Variants in TSC22D1 observed in about 807,000 individuals in gnomAD.
TSC22D1 encodes TSC22 domain family protein 1.
TSC22D1 carries 9 observed loss-of-function variants against 74.2 expected under a neutral mutation model. The observed-to-expected ratio is 0.12, with a 90% CI of 0.07 to 0.21. TSC22D1 has a LOEUF of 0.21. TSC22D1 is among the 10% of genes least tolerant of loss of function. The pLI, the probability that TSC22D1 is intolerant of heterozygous loss-of-function variation, is 1.00. For synonymous variants in TSC22D1, 586 were observed against 492.5 expected (o/e 1.19, Z -2.51); for missense variants, 1,427 against 1,304.7 (o/e 1.09, Z -1.44).
intron 1 of TSC22D1, among the ~76,000 whole-genome samples, chr13:44,489,011 A>G (rs1325749592): frequency 6.6e-6 from 1 of 152,198 alleles, no homozygotes; most frequent in Non-Finnish European, 1.5e-5. Context: ...AGACCTTCCC[A>G]GATACCAAAA....
At chr13:44,449,825 G>A (rs1226215095) in intron 1 of TSC22D1, among the ~76,000 whole-genome samples, 2 of 152,194 alleles carry the variant, frequency 1.3e-5, no homozygotes, top group East Asian at 1.9e-4. Flanking sequence ...TAGCTAGAAA[G>A]ATATAAACTA....
intron 1 of TSC22D1, among the ~76,000 whole-genome samples, chr13:44,532,996 C>G (rs1880937185): frequency 6.6e-6 from 1 of 152,068 alleles, no homozygotes; most frequent in Non-Finnish European, 1.5e-5. Context: ...AGTGAAGAGA[C>G]TTGAGTACTA....
chr13:44,466,003 C>CAAAT (rs1386172711), intron 1 of TSC22D1, among the ~76,000 whole-genome samples: 2 of 151,932 alleles, frequency 1.3e-5, no homozygotes, highest in Admixed American at 6.6e-5. Context: ...AACAAACAAA[C>CAAAT]AAAACTTTGC....
intron 1 of TSC22D1, among the ~76,000 whole-genome samples, chr13:44,472,942 C>T (rs1393793293): frequency 6.6e-6 from 1 of 152,124 alleles, no homozygotes; most frequent in Non-Finnish European, 1.5e-5. Context: ...AAGAGATTTA[C>T]TTGGACTTGC....
At chr13:44,461,363 A>G (rs550541190) in intron 1 of TSC22D1, among the ~76,000 whole-genome samples, 1 of 152,318 alleles carries the variant, frequency 6.6e-6, no homozygotes, top group African/African-American at 2.4e-5. Context: ...TGACTGGCCC[A>G]TAGTCCAGAA....
chr13:44,505,936 T>A (rs1232401707), intron 1 of TSC22D1, among the ~76,000 whole-genome samples: 1 of 152,188 alleles, frequency 6.6e-6, no homozygotes, highest in Non-Finnish European at 1.5e-5. Context: ...TAAACATACA[T>A]TAACTCATTT....
At position 44,575,805 on chromosome 13, in the gene TSC22D1, C is replaced by T. The variant is rs749429246; in HGVS notation, c.270G>A (p.Gln90=). 5 of 1,613,702 alleles carry T rather than the reference C, an allele frequency of 3.1e-6. No individual in the cohort carries two copies. The Admixed American group carries it at 8.3e-5, about 27-fold the overall frequency. The part of the protein sequence containing the change: ...PPPQSLNLLS[Q]AQLQAQPLAP... Reference sequence around the variant, plus strand: ...CAAGAGGCTGTGCCTGCAGCTGAGCCTGCGAAAGGAGGTTCAGGCTTTGTG... The same window carrying T: ...CAAGAGGCTGTGCCTGCAGCTGAGCTTGCGAAAGGAGGTTCAGGCTTTGTG... The change falls in exon 1 of 3, where the codon CAG becomes CAA. Residue 90 remains glutamine, a synonymous_variant. Coordinates refer to ENST00000458659, the MANE Select transcript of TSC22D1 (RefSeq NM_183422.4).
chr13:44,557,048 CAGG>C (rs1782700031), intron 1 of TSC22D1, among the ~76,000 whole-genome samples: 1 of 151,518 alleles, frequency 6.6e-6, no homozygotes, highest in Non-Finnish European at 1.5e-5. Flanking sequence ...GAGGCTGAGG[CAGG>C]AGAATGGCTT....
chr13:44,536,879 T>C, intron 1 of TSC22D1: 1 of 971,096 alleles, frequency 1.0e-6, no homozygotes, highest in South Asian at 4.8e-5. Context: ...CATTCACTGG[T>C]GACCCCCACG....
intron 1 of TSC22D1, among the ~76,000 whole-genome samples, chr13:44,464,058 G>A (rs900736429): frequency 6.6e-6 from 1 of 152,136 alleles, no homozygotes; most frequent in African/African-American, 2.4e-5. Context: ...TTGACCTCAT[G>A]AGAGACCCTG....
At chr13:44,568,988 C>A (rs1883565041) in intron 1 of TSC22D1, among the ~76,000 whole-genome samples, 1 of 152,024 alleles carries the variant, frequency 6.6e-6, no homozygotes, top group African/African-American at 2.4e-5. Context: ...AAAAAGGAGA[C>A]CAGGTAGGTA....
intron 1 of TSC22D1, among the ~76,000 whole-genome samples, chr13:44,525,018 G>A (rs1880481413): frequency 6.6e-6 from 1 of 152,190 alleles, no homozygotes; most frequent in Admixed American, 6.5e-5. Flanking sequence ...TATTTTACCA[G>A]AGGCTAACCA....
chr13:44,453,794 A>C (rs1876347698), intron 1 of TSC22D1, among the ~76,000 whole-genome samples: 1 of 152,234 alleles, frequency 6.6e-6, no homozygotes, highest in Admixed American at 6.5e-5. Context: ...TTTATATCTA[A>C]AATATACAGA....
At chr13:44,441,763 A>T (rs572982622) in intron 1 of TSC22D1, among the ~76,000 whole-genome samples, 33 of 152,310 alleles carry the variant, frequency 2.2e-4, no homozygotes, top group African/African-American at 7.5e-4. Flanking sequence ...TATTTTGATT[A>T]AAAAATTTAA....
intron 1 of TSC22D1, among the ~76,000 whole-genome samples, chr13:44,569,349 T>C (rs1023353893): frequency 1.3e-5 from 2 of 152,212 alleles, no homozygotes; most frequent in African/African-American, 4.8e-5. Flanking sequence ...GCAAGTTATT[T>C]AGAGACTGGG....
At chr13:44,471,753 T>G (rs1877619005) in intron 1 of TSC22D1, among the ~76,000 whole-genome samples, 1 of 152,220 alleles carries the variant, frequency 6.6e-6, no homozygotes, top group Non-Finnish European at 1.5e-5. Flanking sequence ...AAATAAAATA[T>G]TGAAAGCTTA....
chr13:44,510,711 GC>G (rs1261723217), intron 1 of TSC22D1, among the ~76,000 whole-genome samples: 1 of 152,006 alleles, frequency 6.6e-6, no homozygotes, highest in Non-Finnish European at 1.5e-5. Flanking sequence ...TCCTGCCTCA[GC>G]CTCCTGAGTA....
chr13:44,528,729 T>C (rs9533894), intron 1 of TSC22D1, among the ~76,000 whole-genome samples: 13,114 of 151,926 alleles, frequency 0.086, 739 homozygotes, highest in Non-Finnish European at 0.12. Flanking sequence ...AGTTCTTTGA[T>C]CAATAAAACT....
rs1443014800 is a variant in TSC22D1 at position 44,536,928 on chromosome 13, A to G, written c.2912+36235T>C. 2.2e-4 allele frequency: 33 copies of G among 148,280 alleles called. No individual in the cohort carries two copies. In the East Asian group the frequency reaches 3.2e-3, roughly 14 times the overall value. The allele number at this position is 148,280 out of a possible 1,614,324, so 9.2% of individuals were successfully genotyped here. ...ACAGTTCAAAAAAGTATTTTTCTGA[A>G]AAAAAAAAAAAAAAAAAAAAAAAAA... On this transcript the variant is annotated intron_variant, in intron 1 of 2. Transcript: ENST00000458659.
Sources: allele counts gnomAD v4.1 joint callset (sites outside exome capture counted in the v4.1 genomes callset), GRCh38; gene constraint gnomAD v4.1.1; transcripts MANE v1.5; gene names NCBI Gene and HGNC (gene_info 2026-07-23, HGNC 2026-07-21).